The following RINT1 variants were observed in gnomAD, a reference collection of about 807,000 sequenced individuals.
RINT1 encodes the protein RAD50-interacting protein 1.
RINT1 carries 75 observed loss-of-function variants against 97.7 expected under a neutral mutation model. The ratio of observed to expected loss-of-function variants is 0.77; its 90% confidence interval spans 0.64 to 0.93. RINT1 has a LOEUF of 0.93. Ranked by LOEUF, RINT1 falls within the 40% of genes least tolerant of loss-of-function variation. The pLI is 0.00. For missense variants in RINT1, 892 were observed against 925.2 expected, an observed-to-expected ratio of 0.96 and a Z score of 0.47; for synonymous variants, 303 against 326.3, an observed-to-expected ratio of 0.93 and a Z score of 0.77.
At chr7:105,547,145 G>A (rs753975051) in intron 5 of RINT1, 39 bp from the exon 6 acceptor site, 2 of 1,613,722 alleles carry the variant, frequency 1.2e-6, no homozygotes, top group African/African-American at 2.7e-5. Flanking sequence ...TGATCATTTG[G>A]TGATGTACTG....
At chr7:105,544,416 T>G (rs1345762462) in intron 4 of RINT1, among the ~76,000 whole-genome samples, 2 of 151,942 alleles carry the variant, frequency 1.3e-5, no homozygotes, top group South Asian at 2.1e-4. Context: ...TTTTAACATT[T>G]ATTTTATTTA....
chr7:105,567,550 ATGCTGAGT>A lies in RINT1; in HGVS notation c.*240_*247del. ...AACTCAATTCTATTTACAAGTATAA[ATGCTGAGT>A]ATGTCTGTTGAAGACGAGCAGAGAT... On this transcript the variant is annotated 3_prime_UTR_variant, in exon 15 of 15. Coordinates refer to ENST00000257700, the MANE Select transcript of RINT1 (RefSeq NM_021930.6). The A allele has an allele frequency of 1.5e-6, 1 of 668,594 alleles. No individual in the cohort carries two copies. The highest frequency in any genetic ancestry group is 2.7e-6 in the Non-Finnish European group (1 of 375,420). 41.4% of individuals were successfully genotyped at this position (668,594 alleles called of 1,614,324 possible).
At chr7:105,559,086 C>A (rs1004907760) in intron 11 of RINT1, among the ~76,000 whole-genome samples, 47 of 152,176 alleles carry the variant, frequency 3.1e-4, no homozygotes, top group Admixed American at 7.9e-4. Context: ...GAATTGTGTC[C>A]TAGCATGGTT....
intron 3 of RINT1, 45 bp from the exon 4 acceptor site, chr7:105,542,363 A>C: frequency 1.4e-6 from 2 of 1,443,916 alleles, no homozygotes; most frequent in Non-Finnish European, 1.9e-6. Flanking sequence ...ATTTTATCTG[A>C]TTGCTGCTGT....
chr7:105,562,533 A>G (rs948432932), intron 11 of RINT1, among the ~76,000 whole-genome samples: 1 of 152,218 alleles, frequency 6.6e-6, no homozygotes, highest in African/African-American at 2.4e-5. Context: ...CTGTTAAAAC[A>G]TAGACTTACC....
chr7:105,563,741 ACAACTT>A lies in RINT1; in HGVS notation c.1685_1690del (p.Leu562_Gln563del). 6.2e-7 allele frequency: 1 copy of A among 1,611,788 alleles called. No individual in the cohort carries two copies. The highest frequency in any genetic ancestry group is 8.5e-7 in the Non-Finnish European group (1 of 1,179,142). On this transcript the variant is annotated inframe_deletion, in exon 12 of 15. Transcript: ENST00000257700. ...CATGTTTTTGCTTTCAGTTCTTTCT[ACAACTT>A]CAACAGGCTGCACTGGAGGTGTTTG...
intron 3 of RINT1, 174 bp from the exon 4 acceptor site, chr7:105,542,234 T>G: frequency 3.5e-6 from 2 of 569,916 alleles, no homozygotes; most frequent in East Asian, 5.8e-5. Flanking sequence ...ACTGGGGAGG[T>G]TGAGGTGGGA....
chr7:105,553,405 T>A (rs922488914), intron 10 of RINT1, among the ~76,000 whole-genome samples: 10 of 151,416 alleles, frequency 6.6e-5, no homozygotes, highest in African/African-American at 2.2e-4. Context: ...TTTTTTTGTA[T>A]TTTTACTAAA....
chr7:105,537,229 C>G (rs1274327610), intron 3 of RINT1, among the ~76,000 whole-genome samples: 2 of 149,782 alleles, frequency 1.3e-5, no homozygotes, highest in African/African-American at 4.9e-5. Flanking sequence ...CTCCCAGGTT[C>G]AAGCAATTCT....
chr7:105,565,227 G>GA, intron 12 of RINT1, 50 bp from the exon 13 acceptor site: 1 of 1,528,810 alleles, frequency 6.5e-7, no homozygotes, highest in Non-Finnish European at 8.9e-7. Context: ...TTAAAAACTT[G>GA]AAAAATAGAA....
At chr7:105,553,770 G>A (rs1791041677) in intron 10 of RINT1, among the ~76,000 whole-genome samples, 1 of 150,802 alleles carries the variant, frequency 6.6e-6, no homozygotes, top group African/African-American at 2.4e-5. Flanking sequence ...GCCCAGGCTG[G>A]AGTGCTGTGG....
rs1586209277 is a variant in RINT1, at chr7:105,532,206, A to G, written c.-110A>G. 1 of 1,205,668 alleles carries G rather than the reference A, an allele frequency of 8.3e-7. No homozygotes were observed. The highest frequency in any genetic ancestry group is 2.6e-5 in the East Asian group (1 of 38,126). 74.7% of individuals were successfully genotyped at this position (1,205,668 alleles called of 1,614,324 possible). A position where few individuals can be genotyped will look rare whatever the true frequency, so the allele number is the denominator to read the frequency against. On this transcript the variant is annotated 5_prime_UTR_variant, in exon 1 of 15. Transcript: ENST00000257700. The stretch of plus-strand genomic sequence containing the variant: ...GACATCGAGAGGAAGTCGCTGTGGC[A>G]CTCAGTCCTACGGCCTCCGAGGCTG...
chr7:105,544,223 C>A (rs892129804), intron 4 of RINT1, among the ~76,000 whole-genome samples: 2 of 151,986 alleles, frequency 1.3e-5, no homozygotes, highest in Non-Finnish European at 2.9e-5. Flanking sequence ...GAATTTTAAA[C>A]CTTGCTTTAT....
chr7:105,542,728 A>T, intron 4 of RINT1, 79 bp downstream of exon 4: 1 of 1,381,262 alleles, frequency 7.2e-7, no homozygotes, highest in Non-Finnish European at 9.7e-7. Context: ...TGTGCCATTA[A>T]ATAATTGAGT....
Position 105,548,630 on chromosome 7 carries a change from A to G in RINT1, c.916A>G (p.Ile306Val). The G allele has an allele frequency of 6.2e-7, 1 of 1,614,114 alleles. No homozygotes were observed. Among genetic ancestry groups the G allele is most frequent in the African/African-American group, 1.3e-5 (1 of 75,032 alleles). Residue 306 changes from isoleucine to valine, a missense_variant, in exon 7 of 15, where the codon ATC becomes GTC. By Grantham distance (29) the Ile-to-Val change is conservative. Transcript: ENST00000257700. ...TGCCTCCCCTTCTGTCATCCTGCCC[A>G]TCCAGGTTATGCTGACTCCTCTTCA... ...LPASPSVILP[I>V]QVMLTPLQKR...
At chr7:105,565,922 G>A (rs914709275) in intron 14 of RINT1, among the ~76,000 whole-genome samples, 1 of 148,792 alleles carries the variant, frequency 6.7e-6, no homozygotes, top group Non-Finnish European at 1.5e-5. Context: ...TTAGTTACTG[G>A]AGGAATAAAT....
intron 10 of RINT1, among the ~76,000 whole-genome samples, chr7:105,553,018 A>C (rs1191518339): frequency 6.6e-6 from 1 of 152,096 alleles, no homozygotes; most frequent in African/African-American, 2.4e-5. Context: ...AAATACTAAG[A>C]CAAAAAAATT....
At chr7:105,555,738 T>C (rs924159934) in intron 11 of RINT1, among the ~76,000 whole-genome samples, 1 of 152,204 alleles carries the variant, frequency 6.6e-6, no homozygotes. Flanking sequence ...CCCAGCACTT[T>C]AGGAGGCTGA....
At chr7:105,558,388 C>T (rs1000263603) in intron 11 of RINT1, among the ~76,000 whole-genome samples, 2 of 151,950 alleles carry the variant, frequency 1.3e-5, no homozygotes, top group African/African-American at 2.4e-5. Flanking sequence ...AGTATTCTCT[C>T]AGCACCCCCA....
Sources: gnomAD v4.1 joint callset for allele counts (sites outside exome capture counted in the v4.1 genomes callset) on GRCh38, gnomAD v4.1.1 for gene constraint, MANE v1.5 for transcripts, NCBI Gene and HGNC (gene_info 2026-07-23, HGNC 2026-07-21) for gene names.